The following SLC5A4 variants were observed in gnomAD, a reference collection of about 807,000 sequenced individuals.
SLC5A4 encodes solute carrier family 5 member 4.
In SLC5A4, 55 loss-of-function variants were observed where a neutral mutation model predicts 70.3. The ratio of observed to expected loss-of-function variants is 0.78; its 90% confidence interval spans 0.63 to 0.98. The LOEUF (loss-of-function observed/expected upper bound fraction) is 0.98. SLC5A4 is among the 50% of genes least tolerant of loss of function. The probability of loss-of-function intolerance (pLI) is 0.00; values close to 1 mark genes in which losing one functional copy is unlikely to be tolerated. For missense variants in SLC5A4, 735 were observed against 839.2 expected (o/e 0.88, Z 1.53); for synonymous variants, 268 against 305.7 (o/e 0.88, Z 1.29).
chr22:32,327,411 T>G, the SLC5A4 span: 1 of 152,260 alleles, frequency 6.6e-6, no homozygotes, highest in Admixed American at 6.5e-5. Context: ...GGTGGACCCA[T>G]GGGATGGCCC....
the SLC5A4 span, among the ~76,000 whole-genome samples, chr22:32,312,258 G>T: frequency 6.6e-6 from 1 of 152,026 alleles, no homozygotes; most frequent in East Asian, 1.9e-4. Context: ...ACACGGATGA[G>T]AACCCCCAGC....
the SLC5A4 span, chr22:32,343,077 ACT>A: frequency 6.6e-6 from 1 of 151,958 alleles, no homozygotes; most frequent in Non-Finnish European, 1.5e-5. Context: ...GCCTTCTAAT[ACT>A]CTCTCATGCT....
At position 32,220,957 on chromosome 22, in the gene SLC5A4, C is replaced by T. The variant is rs753489317; in HGVS notation, c.1731G>A (p.Glu577=). 1 of 1,613,798 alleles carries T rather than the reference C, an allele frequency of 6.2e-7. No individual in the cohort carries two copies. The highest frequency in any genetic ancestry group is 1.3e-5 in the African/African-American group (1 of 74,934). The change falls in exon 14 of 15, where the codon GAG becomes GAA. Residue 577 remains glutamate (E), a synonymous_variant. Transcript: ENST00000266086. ...CATCATCTGTTTCTTCCTGACTTTT[C>T]TCTTCTGCATCTATATCGATTCGCT... ...TEERIDIDAE[E]KSQEETDDGV...
chr22:32,347,552 G>T, the SLC5A4 span, among the ~76,000 whole-genome samples: 1 of 152,022 alleles, frequency 6.6e-6, no homozygotes, highest in Non-Finnish European at 1.5e-5. Flanking sequence ...CATGTCCTTT[G>T]TAGGGACATG....
the SLC5A4 span, among the ~76,000 whole-genome samples, chr22:32,306,865 G>A: frequency 5.9e-5 from 9 of 152,016 alleles, no homozygotes; most frequent in East Asian, 1.9e-4. Flanking sequence ...GGAACAATAG[G>A]AAGAAACTGG....
chr22:32,234,828 A>G, intron 8 of SLC5A4, 45 bp downstream of exon 8: 1 of 1,206,856 alleles, frequency 8.3e-7, no homozygotes, highest in South Asian at 1.3e-5. Flanking sequence ...ACAGACACAC[A>G]GACAGACAGA....
chr22:32,220,884 T>G, intron 14 of SLC5A4, 36 bp downstream of exon 14: 1 of 1,301,558 alleles, frequency 7.7e-7, no homozygotes, highest in South Asian at 1.2e-5. Flanking sequence ...GTGCACAGAG[T>G]TCCTACATGA....
At chr22:32,330,796 GGGCTCTGGTGTGTGTTTT>G in the SLC5A4 span, among the ~76,000 whole-genome samples, 2 of 53,250 alleles carry the variant, frequency 3.8e-5, no homozygotes, top group Non-Finnish European at 3.9e-5. Context: ...TGTGTGTTGG[GGGCTCTGGTGTGTGTTTT>G]GGGAGGCTCT....
At chr22:32,244,673 G>A (rs893774916) in intron 5 of SLC5A4, among the ~76,000 whole-genome samples, 9 of 152,220 alleles carry the variant, frequency 5.9e-5, no homozygotes, top group Middle Eastern at 3.4e-3. Flanking sequence ...GACAATAAAT[G>A]TGTGCCCCCA....
At chr22:32,314,773 C>T in the SLC5A4 span, among the ~76,000 whole-genome samples, 3 of 152,080 alleles carry the variant, frequency 2.0e-5, no homozygotes, top group Non-Finnish European at 4.4e-5. Flanking sequence ...TGGTGAAAGG[C>T]AAGGAGGAGC....
At chr22:32,278,400 C>A in the SLC5A4 span, among the ~76,000 whole-genome samples, 81 of 152,250 alleles carry the variant, frequency 5.3e-4, no homozygotes, top group African/African-American at 1.9e-3. Context: ...AAGATGTAAG[C>A]AAGGACAAAA....
In SLC5A4 at chr22:32,254,218, G is replaced by A. The variant is rs765850764; in HGVS notation, c.136-5C>T. The A allele has an allele frequency of 1.9e-6, 3 of 1,611,864 alleles. No homozygotes were observed. The highest frequency in any genetic ancestry group is 2.5e-6 in the Non-Finnish European group (3 of 1,177,966). ...TCGGTTGGTCTTCAGCATCGCCTGA[G>A]CAGAAGGGAAGACAGGTGAGGGTCA... On this transcript the variant is annotated splice_region_variant and splice_polypyrimidine_tract_variant and intron_variant, in intron 1 of 14. Coordinates refer to ENST00000266086, the MANE Select transcript of SLC5A4 (RefSeq NM_014227.3).
the SLC5A4 span, among the ~76,000 whole-genome samples, chr22:32,292,208 A>G: frequency 1.4e-5 from 1 of 73,530 alleles, no homozygotes; most frequent in East Asian, 2.6e-4. Flanking sequence ...GATATTATAT[A>G]ATATATATAT....
At chr22:32,309,959 C>A in the SLC5A4 span, among the ~76,000 whole-genome samples, 1 of 151,488 alleles carries the variant, frequency 6.6e-6, no homozygotes, top group Non-Finnish European at 1.5e-5. Context: ...CAGTCCTCAG[C>A]CCAGCTGCCC....
the SLC5A4 span, among the ~76,000 whole-genome samples, chr22:32,274,071 G>A: frequency 2.0e-4 from 29 of 145,248 alleles, 1 homozygote; most frequent in South Asian, 6.1e-3. Context: ...ACAGAGTCTC[G>A]CTCTGTCACC....
chr22:32,275,744 T>C, the SLC5A4 span, among the ~76,000 whole-genome samples: 1 of 152,206 alleles, frequency 6.6e-6, no homozygotes, highest in Non-Finnish European at 1.5e-5. Context: ...GTAATGGGAT[T>C]GCTGGGTCAA....
chr22:32,280,748 C>T, the SLC5A4 span, among the ~76,000 whole-genome samples: 1 of 152,200 alleles, frequency 6.6e-6, no homozygotes, highest in East Asian at 1.9e-4. Flanking sequence ...CAACTAACGA[C>T]GGGCATGGAC....
At chr22:32,261,644 G>C in the SLC5A4 span, among the ~76,000 whole-genome samples, 1 of 152,216 alleles carries the variant, frequency 6.6e-6, no homozygotes, top group Non-Finnish European at 1.5e-5. Flanking sequence ...TGGGCCACTA[G>C]TCCAATTTGT....
the SLC5A4 span, among the ~76,000 whole-genome samples, chr22:32,341,229 G>C: frequency 6.6e-6 from 1 of 152,130 alleles, no homozygotes; most frequent in Non-Finnish European, 1.5e-5. Flanking sequence ...CTGTGGGTCT[G>C]GGTGGGGGTC....
Sources: gnomAD v4.1 joint callset for allele counts (sites outside exome capture counted in the v4.1 genomes callset) on GRCh38, gnomAD v4.1.1 for gene constraint, MANE v1.5 for transcripts, NCBI Gene and HGNC (gene_info 2026-07-23, HGNC 2026-07-21) for gene names.